Variants in RPTOR observed in about 807,000 individuals in gnomAD.
RPTOR encodes regulatory-associated protein of mTOR.
Under a neutral mutation model 169.9 loss-of-function variants are expected in RPTOR, and 21 were observed. That is an observed-to-expected ratio of 0.12 (90% confidence interval 0.09 to 0.18). The LOEUF is 0.18. Among genes scored for constraint, RPTOR ranks in the 10% least tolerant of loss-of-function variants. The pLI is 1.00. For missense variants in RPTOR, 1,133 were observed against 1,855.9 expected, an observed-to-expected ratio of 0.61 and a Z score of 7.16; for synonymous variants, 732 against 753.2, an observed-to-expected ratio of 0.97 and a Z score of 0.46.
chr17:80,586,540 G>C (rs2065061832), intron 1 of RPTOR, among the ~76,000 whole-genome samples: 1 of 152,244 alleles, frequency 6.6e-6, no homozygotes, highest in Non-Finnish European at 1.5e-5. Context: ...TGGTGCTCTG[G>C]TACCCGCCTT....
chr17:80,559,345 G>A (rs1441002648), intron 1 of RPTOR, among the ~76,000 whole-genome samples: 5 of 152,114 alleles, frequency 3.3e-5, no homozygotes, highest in East Asian at 1.9e-4. Flanking sequence ...CTGAGTGGTC[G>A]CCTCCTGACT....
chr17:80,930,384 AGCTC>A (rs1567993731), intron 24 of RPTOR, among the ~76,000 whole-genome samples: 1 of 8,632 alleles, frequency 1.2e-4, no homozygotes. Context: ...TCCCCAGCTC[AGCTC>A]AGCTCATTCT....
chr17:80,743,233 T>C, intron 5 of RPTOR: 7 of 985,240 alleles, frequency 7.1e-6, no homozygotes, highest in Non-Finnish European at 8.4e-6. Context: ...ACTCAGTTCA[T>C]TAGAGAAGTA....
intron 9 of RPTOR, among the ~76,000 whole-genome samples, chr17:80,829,159 T>G (rs1391821797): frequency 1.3e-5 from 2 of 152,176 alleles, no homozygotes; most frequent in Admixed American, 1.3e-4. Flanking sequence ...AAAAATAGAG[T>G]CTTTATGGCT....
intron 6 of RPTOR, among the ~76,000 whole-genome samples, chr17:80,790,384 C>T (rs1177264037): frequency 1.3e-5 from 2 of 152,192 alleles, no homozygotes; most frequent in African/African-American, 2.4e-5. Flanking sequence ...TGCATGGGGT[C>T]CAGGATGACC....
intron 13 of RPTOR, among the ~76,000 whole-genome samples, chr17:80,872,568 G>A (rs765370103): frequency 3.3e-5 from 5 of 152,182 alleles, no homozygotes; most frequent in Non-Finnish European, 5.9e-5. Flanking sequence ...TGGGTCTGTC[G>A]GTGCCCCCTG....
chr17:80,668,147 G>T (rs976730324), intron 3 of RPTOR, among the ~76,000 whole-genome samples: 3 of 152,144 alleles, frequency 2.0e-5, no homozygotes, highest in African/African-American at 7.2e-5. Flanking sequence ...AGTGTAGCAG[G>T]CCTGAGGGGT....
rs1018720814 is a variant in RPTOR, at chr17:80,844,183, G to A, written c.1213-2290G>A. Among the ~76,000 whole-genome samples the A allele has an allele frequency of 1.3e-5, 2 of 152,204 alleles. No individual in the cohort carries two copies. The highest frequency in any genetic ancestry group is 2.9e-5 in the Non-Finnish European group (2 of 68,042). ...TTCCGGAATATCATATAAAGTGTTG[G>A]CCACTCTTCCGCAGGCGCTTGCTCT... is the stretch of plus-strand genomic sequence containing the variant. On this transcript the variant is annotated intron_variant, in intron 10 of 33. Transcript: ENST00000306801. The surrounding 1 kb of genome is among the most constrained non-coding windows in gnomAD (Gnocchi z 4.7).
chr17:80,566,264 C>T (rs1221834643), intron 1 of RPTOR, among the ~76,000 whole-genome samples: 1 of 152,122 alleles, frequency 6.6e-6, no homozygotes, highest in East Asian at 1.9e-4. Context: ...TGTTTGGTGC[C>T]TGTCTCATGC....
chr17:80,723,063 T>C (rs2066300515), intron 4 of RPTOR, among the ~76,000 whole-genome samples: 1 of 151,228 alleles, frequency 6.6e-6, no homozygotes, highest in Non-Finnish European at 1.5e-5. Flanking sequence ...AGGATCAAAG[T>C]TTTGGGAAGA....
At position 80,893,693 on chromosome 17, in the gene RPTOR, T is replaced by C. The variant is rs1470625362; in HGVS notation, c.2243-14T>C. The C allele has an allele frequency of 1.9e-6, 3 of 1,607,038 alleles. No individual in the cohort carries two copies. The Admixed American group carries it at 5.1e-5, about 27-fold the overall frequency. On this transcript the variant is annotated splice_polypyrimidine_tract_variant and intron_variant, in intron 19 of 33. Coordinates refer to ENST00000306801, the MANE Select transcript of RPTOR (RefSeq NM_020761.3). ...CCCGGGAGCACCCCACTGACCCCGT[T>C]GCGTCTCGGGCAGCTGGTGGCGCGG...
At chr17:80,942,599 T>C (rs1196883137) in intron 25 of RPTOR, among the ~76,000 whole-genome samples, 1 of 151,962 alleles carries the variant, frequency 6.6e-6, no homozygotes, top group Non-Finnish European at 1.5e-5. Context: ...CAGTCCTCTG[T>C]CCTCGGAATT....
intron 31 of RPTOR, 56 bp from the exon 32 acceptor site, chr17:80,962,405 C>A: frequency 7.0e-7 from 1 of 1,430,242 alleles, no homozygotes. Context: ...GTCCCCCTGG[C>A]CAGGCCCCTC....
chr17:80,844,815 C>G lies in RPTOR; in HGVS notation c.1213-1658C>G, dbSNP rs944517435. Among the ~76,000 whole-genome samples, 1 of 152,188 alleles carries G rather than the reference C, an allele frequency of 6.6e-6. No homozygotes were observed. The highest frequency in any genetic ancestry group is 1.5e-5 in the Non-Finnish European group (1 of 68,040). On this transcript the variant is annotated intron_variant, in intron 10 of 33. Coordinates refer to ENST00000306801, the MANE Select transcript of RPTOR (RefSeq NM_020761.3). This position sits in a 1 kb window ranked among gnomAD's most constrained non-coding sequence, Gnocchi z 4.7. ...CACATGTGTCCACATTCACTGGAAC[C>G]CGGGGCACAGCCGACCCCGGCCAGA... is the stretch of plus-strand genomic sequence containing the variant.
chr17:80,623,714 T>G (rs1433142804), intron 1 of RPTOR, among the ~76,000 whole-genome samples: 1 of 151,736 alleles, frequency 6.6e-6, no homozygotes, highest in East Asian at 1.9e-4. Context: ...TTTTATATTT[T>G]TAGTAGAGAC....
chr17:80,950,819 G>A (rs1013209271), intron 28 of RPTOR, among the ~76,000 whole-genome samples: 5 of 152,210 alleles, frequency 3.3e-5, no homozygotes, highest in Non-Finnish European at 7.3e-5. Context: ...ATTTGCTAGA[G>A]AGGAAAGATC....
intron 2 of RPTOR, among the ~76,000 whole-genome samples, chr17:80,629,087 T>C (rs9897331): frequency 1.3e-3 from 73 of 57,886 alleles, no homozygotes; most frequent in South Asian, 2.2e-3. Context: ...CGCAGCTCTT[T>C]TGTGTGTCTC....
chr17:80,877,463 G>A (rs950872631), intron 13 of RPTOR, among the ~76,000 whole-genome samples: 2 of 152,214 alleles, frequency 1.3e-5, no homozygotes, highest in African/African-American at 4.8e-5. Flanking sequence ...GCCAGACTCC[G>A]ATACCAAGGG....
At chr17:80,625,893 C>G (rs1361142230) in intron 2 of RPTOR, 100 bp downstream of exon 2, 7 of 784,926 alleles carry the variant, frequency 8.9e-6, no homozygotes, top group African/African-American at 3.4e-5. Flanking sequence ...GGGCCCGTCT[C>G]CAGCTGTGCA....
Sources: allele counts gnomAD v4.1 joint callset (sites outside exome capture counted in the v4.1 genomes callset), GRCh38; gene constraint gnomAD v4.1.1; non-coding constraint Gnocchi (gnomAD v3.1); transcripts MANE v1.5; gene names NCBI Gene and HGNC (gene_info 2026-07-23, HGNC 2026-07-21).